The following ABCB1 variants were observed in gnomAD, a reference collection of about 807,000 sequenced individuals.
ABCB1 encodes the protein ATP binding cassette subfamily B member 1, also known as ATP-dependent translocase ABCB1.
Under a neutral mutation model 142.0 loss-of-function variants are expected in ABCB1, and 69 were observed. That is an observed-to-expected ratio of 0.49 (90% CI 0.40 to 0.59). The LOEUF (loss-of-function observed/expected upper bound fraction) is 0.59. ABCB1 is among the 20% of genes least tolerant of loss of function. The probability of loss-of-function intolerance (pLI) is 0.00; values close to 1 mark genes in which losing one functional copy is unlikely to be tolerated. For synonymous variants in ABCB1, 532 were observed against 539.2 expected (o/e 0.99, Z 0.18); for missense variants, 1,326 against 1,554.7 (o/e 0.85, Z 2.47).
intron 20 of ABCB1, among the ~76,000 whole-genome samples, chr7:87,532,239 G>C (rs1816087268): frequency 6.6e-6 from 1 of 152,036 alleles, no homozygotes; most frequent in South Asian, 2.1e-4. Flanking sequence ...AATATTCTGT[G>C]CCCTCAAGCC....
chr7:87,569,236 G>T (rs1012547460), intron 5 of ABCB1, among the ~76,000 whole-genome samples: 1 of 149,214 alleles, frequency 6.7e-6, no homozygotes, highest in South Asian at 2.1e-4. Context: ...GGGAAGCTGA[G>T]ACACAAGAAT....
In ABCB1 at chr7:87,554,945, A is replaced by G. The variant is rs544939715; in HGVS notation, c.828-1013T>C. Reference sequence around the variant, plus strand: ...GCAAATGAAAAAAAATCGAAAAACAATGTTGGAGTCACTGACAGATTTTAT... The same window carrying G: ...GCAAATGAAAAAAAATCGAAAAACAGTGTTGGAGTCACTGACAGATTTTAT... On this transcript the variant is annotated intron_variant, in intron 8 of 27. Transcript: ENST00000622132. 2.0e-5 allele frequency among the ~76,000 whole-genome samples: 3 copies of G among 152,350 alleles called. No individual in the cohort carries two copies. The South Asian group carries it at 6.2e-4, about 32-fold the overall frequency.
At chr7:87,582,711 G>A (rs2129910678) in intron 4 of ABCB1, among the ~76,000 whole-genome samples, 1 of 152,326 alleles carries the variant, frequency 6.6e-6, no homozygotes, top group Middle Eastern at 3.4e-3. Context: ...TTCATAAAAT[G>A]TAAATGAATA....
chr7:87,541,003 A>G (rs992038684), intron 18 of ABCB1, among the ~76,000 whole-genome samples: 1 of 152,148 alleles, frequency 6.6e-6, no homozygotes, highest in African/African-American at 2.4e-5. Context: ...ACACGGGAAG[A>G]CATTTCTTTG....
rs28381954 is a variant in ABCB1, at chr7:87,537,031, G to A, written c.2398-490C>T. ...GCATGTGCAAAGACCCTGAGGCAAA[G>A]GCATACCTAATCTGTTCATACACCA... On this transcript the variant is annotated intron_variant, in intron 19 of 27. Coordinates refer to ENST00000622132, the MANE Select transcript of ABCB1 (RefSeq NM_001348946.2). 1,459 of 183,496 alleles carry A rather than the reference G, an allele frequency of 8.0e-3. 11 individuals carry two copies. The highest frequency in any genetic ancestry group is 0.013 in the Non-Finnish European group (1,164 of 86,452). The allele number at this position is 183,496 out of a possible 1,614,324, so 11.4% of individuals were successfully genotyped here. A position where few individuals can be genotyped will look rare whatever the true frequency, so the allele number is the denominator to read the frequency against.
intron 1 of ABCB1, among the ~76,000 whole-genome samples, chr7:87,660,108 CA>C (rs1265277003): frequency 6.6e-6 from 1 of 151,996 alleles, no homozygotes; most frequent in Non-Finnish European, 1.5e-5. Flanking sequence ...ATCCTAGCCT[CA>C]AAAATGCATT....
intron 1 of ABCB1, among the ~76,000 whole-genome samples, chr7:87,646,756 T>C (rs892080988): frequency 3.4e-4 from 52 of 152,144 alleles, no homozygotes; most frequent in African/African-American, 1.3e-3. Context: ...GGCAGCATTA[T>C]TCTTGTGTAT....
chr7:87,634,304 T>C (rs1821523113), intron 1 of ABCB1, among the ~76,000 whole-genome samples: 1 of 152,058 alleles, frequency 6.6e-6, no homozygotes, highest in Non-Finnish European at 1.5e-5. Context: ...CATATACAGA[T>C]TGCAGCATAA....
chr7:87,553,797 G>T lies in ABCB1; in HGVS notation c.963C>A (p.Val321=). ...ALAFWYGTTL[V]LSGEYSIGQV... is the part of the protein sequence containing the mutation. ...GTCCAATAGAATATTCCCCTGAGAG[G>T]ACCAAGGTGGTCCCATACCAGAAGG... is the stretch of plus-strand genomic sequence containing the variant. The change falls in exon 9 of 28, where the codon GTC becomes GTA. Residue 321 remains valine, a synonymous_variant. Transcript: ENST00000622132. 1 of 1,614,044 alleles carries T rather than the reference G, an allele frequency of 6.2e-7. No individual in the cohort carries two copies. The highest frequency in any genetic ancestry group is 1.1e-5 in the South Asian group (1 of 91,080).
At chr7:87,526,518 A>C (rs1426218730) in intron 21 of ABCB1, among the ~76,000 whole-genome samples, 1 of 151,790 alleles carries the variant, frequency 6.6e-6, no homozygotes, top group African/African-American at 2.4e-5. Flanking sequence ...TCATGTCTAC[A>C]AAAAATTTAT....
intron 1 of ABCB1, among the ~76,000 whole-genome samples, chr7:87,702,206 A>G (rs1585144924): frequency 2.0e-5 from 3 of 147,548 alleles, no homozygotes; most frequent in Admixed American, 2.0e-4. Context: ...TTTTTTTAGG[A>G]AAAATAGTTA....
At chr7:87,634,772 A>C (rs1299468566) in intron 1 of ABCB1, among the ~76,000 whole-genome samples, 2 of 152,182 alleles carry the variant, frequency 1.3e-5, no homozygotes, top group African/African-American at 4.8e-5. Flanking sequence ...AAACTCTTTC[A>C]GTCATTTTAT....
intron 21 of ABCB1, among the ~76,000 whole-genome samples, chr7:87,531,043 G>A (rs1816034719): frequency 6.6e-6 from 1 of 151,898 alleles, no homozygotes; most frequent in Non-Finnish European, 1.5e-5. Context: ...GAGGAAGGAA[G>A]AACAGTGTGA....
chr7:87,574,048 A>G (rs541181865), intron 4 of ABCB1, among the ~76,000 whole-genome samples: 1 of 152,296 alleles, frequency 6.6e-6, no homozygotes, highest in Admixed American at 6.5e-5. Context: ...TAAGTAGTTG[A>G]GAATTGCTGA....
intron 1 of ABCB1, among the ~76,000 whole-genome samples, chr7:87,708,803 G>T (rs1331899029): frequency 2.6e-5 from 4 of 151,796 alleles, no homozygotes; most frequent in African/African-American, 9.7e-5. Flanking sequence ...CATAAAGTAG[G>T]GATAGTATTG....
At chr7:87,505,739 T>C (rs1173356369) in intron 27 of ABCB1, among the ~76,000 whole-genome samples, 158 bp downstream of exon 27, 5 of 152,214 alleles carry the variant, frequency 3.3e-5, no homozygotes, top group African/African-American at 9.6e-5. Context: ...TCATCTTTAC[T>C]CTCCTGAATA....
intron 21 of ABCB1, among the ~76,000 whole-genome samples, chr7:87,527,462 C>T (rs1815836235): frequency 6.6e-6 from 1 of 152,140 alleles, no homozygotes; most frequent in Non-Finnish European, 1.5e-5. Flanking sequence ...ATTCATTTAT[C>T]TTGAAATGGC....
chr7:87,639,599 T>A (rs1822224403), intron 1 of ABCB1, among the ~76,000 whole-genome samples: 1 of 152,192 alleles, frequency 6.6e-6, no homozygotes, highest in South Asian at 2.1e-4. Flanking sequence ...AGAATTGTGG[T>A]CTCTTCCTAG....
intron 1 of ABCB1, among the ~76,000 whole-genome samples, chr7:87,610,618 G>A (rs1819819452): frequency 6.6e-6 from 1 of 151,958 alleles, no homozygotes; most frequent in Non-Finnish European, 1.5e-5. Context: ...GTTTATCCTT[G>A]TTACCATTGC....
Sources: gnomAD v4.1 joint callset for allele counts (sites outside exome capture counted in the v4.1 genomes callset) on GRCh38, gnomAD v4.1.1 for gene constraint, MANE v1.5 for transcripts, NCBI Gene and HGNC (gene_info 2026-07-23, HGNC 2026-07-21) for gene names.